Variants in N4BP2L2 observed in about 807,000 individuals in gnomAD.
N4BP2L2 encodes the protein NEDD4-binding protein 2-like 2.
In N4BP2L2, 50 loss-of-function variants were observed where a neutral mutation model predicts 56.2. That is an observed-to-expected ratio of 0.89 (90% CI 0.71 to 1.13). The LOEUF is 1.13. N4BP2L2 is among the 50% of genes most tolerant of loss of function. The pLI, the probability that N4BP2L2 is intolerant of heterozygous loss-of-function variation, is 0.00. For missense variants in N4BP2L2, 689 were observed against 693.8 expected, an observed-to-expected ratio of 0.99 and a Z score of 0.08; for synonymous variants, 203 against 223.6, an observed-to-expected ratio of 0.91 and a Z score of 0.82.
At chr13:32,478,229 A>T in intron 6 of N4BP2L2, 1 of 371,690 alleles carries the variant, frequency 2.7e-6, no homozygotes, top group Non-Finnish European at 4.8e-6. Flanking sequence ...GAAGCGTACC[A>T]CTGCAGGTGT....
At chr13:32,442,887 G>A in exon 7 of N4BP2L2, 1 of 1,612,936 alleles carries the variant, frequency 6.2e-7, no homozygotes. Flanking sequence ...GATGATCAAA[G>A]GTCATAAGTT....
rs148614618 is a variant in N4BP2L2, at chr13:32,520,933, G to A, written c.1550+440C>T. Among the ~76,000 whole-genome samples, 6 of 152,260 alleles carry A rather than the reference G, an allele frequency of 3.9e-5. No individual in the cohort carries two copies. The East Asian group carries it at 1.2e-3, about 29-fold the overall frequency. On this transcript the variant is annotated intron_variant, in intron 5 of 5. Transcript: ENST00000267068. Reference sequence around the variant, plus strand: ...TATGCAGATTCTTTGTTATTTACTTGAATTGACTAGTCATGATTTGCTGCA... The same window carrying A: ...TATGCAGATTCTTTGTTATTTACTTAAATTGACTAGTCATGATTTGCTGCA...
At chr13:32,477,556 G>C (rs1421642134) in intron 6 of N4BP2L2, 2 of 263,428 alleles carry the variant, frequency 7.6e-6, no homozygotes, top group African/African-American at 2.2e-5. Flanking sequence ...TACAGACATA[G>C]TCCTGATGTC....
chr13:32,534,733 T>C lies in N4BP2L2; in HGVS notation c.1259+1036A>G, dbSNP rs542550782. Among the ~76,000 whole-genome samples the C allele has an allele frequency of 7.2e-5, 11 of 152,202 alleles. No homozygotes were observed. In the South Asian group the frequency reaches 1.0e-3, roughly 14 times the overall value. ...TTTATTTAGGTTTAGATTGTCTTGT[T>C]AGTAATATAAAACATTTGCAAAATG... On this transcript the variant is annotated intron_variant, in intron 2 of 5. Transcript: ENST00000267068.
intron 9 of N4BP2L2, among the ~76,000 whole-genome samples, chr13:32,433,583 C>T (rs1163422587): frequency 6.6e-6 from 1 of 151,550 alleles, no homozygotes; most frequent in African/African-American, 2.4e-5. Flanking sequence ...CAGTGAGCCA[C>T]TGTACTCCAG....
chr13:32,480,444 G>T (rs2084388952), intron 6 of N4BP2L2: 2 of 306,288 alleles, frequency 6.5e-6, no homozygotes, highest in Admixed American at 1.0e-4. Context: ...GGGAATTTTA[G>T]TGAGAACTCA....
intron 6 of N4BP2L2, among the ~76,000 whole-genome samples, chr13:32,488,497 T>TC (rs1365390731): frequency 6.6e-6 from 1 of 152,042 alleles, no homozygotes; most frequent in East Asian, 1.9e-4. Flanking sequence ...CACACAATAT[T>TC]CCCATGTACT....
intron 6 of N4BP2L2, among the ~76,000 whole-genome samples, chr13:32,480,285 G>A (rs1196439939): frequency 6.6e-6 from 1 of 152,110 alleles, no homozygotes; most frequent in Non-Finnish European, 1.5e-5. Context: ...TGTTCATGGA[G>A]GAGAGCAAAA....
At chr13:32,450,855 T>G in intron 6 of N4BP2L2, among the ~76,000 whole-genome samples, 1 of 32,972 alleles carries the variant, frequency 3.0e-5, no homozygotes, top group Non-Finnish European at 6.1e-5. Context: ...CCTCCCTCCC[T>G]CCCACCCCAT....
chr13:32,536,010 A>T, exon 2 of N4BP2L2: 1 of 1,613,968 alleles, frequency 6.2e-7, no homozygotes, highest in African/African-American at 1.3e-5. Context: ...TTCTCACTAC[A>T]GTCAGTATAT....
exon 6 of N4BP2L2, chr13:32,515,522 T>C (rs2049014738): frequency 6.6e-6 from 1 of 152,150 alleles, no homozygotes; most frequent in African/African-American, 2.4e-5. Context: ...GATGCAACAG[T>C]AGTTGGCTAA....
chr13:32,453,550 G>C (rs1477462672), intron 6 of N4BP2L2, among the ~76,000 whole-genome samples: 1 of 152,052 alleles, frequency 6.6e-6, no homozygotes, highest in Non-Finnish European at 1.5e-5. Context: ...TCACAGAATT[G>C]AGCATAGCAC....
At chr13:32,503,385 A>T (rs1356504453) in intron 6 of N4BP2L2, among the ~76,000 whole-genome samples, 1 of 152,112 alleles carries the variant, frequency 6.6e-6, no homozygotes, top group Non-Finnish European at 1.5e-5. Flanking sequence ...GACCCTAAGG[A>T]TATAAAAACA....
At chr13:32,536,978 ACTT>A in exon 2 of N4BP2L2, 1 of 1,607,692 alleles carries the variant, frequency 6.2e-7, no homozygotes, top group Non-Finnish European at 8.5e-7. Context: ...CTCACTCGTT[ACTT>A]CTTCTCTAGG....
rs796395696 is a variant in N4BP2L2, at chr13:32,440,864, T to TC, written c.2104+1523_2104+1524insG. 7.5e-3 allele frequency among the ~76,000 whole-genome samples: 1,130 copies of TC among 151,596 alleles called. 16 individuals carry two copies. The highest frequency in any genetic ancestry group is 0.026 in the African/African-American group (1,080 of 41,258). ...AAAAATAACAATCTTTTTTTTTTTT[T>TC]TTTGACAGGGAGTCTCGCTCAGTCA... On this transcript the variant is annotated intron_variant, in intron 7 of 9. Coordinates refer to the N4BP2L2 transcript ENST00000357505.
chr13:32,538,074 G>T (rs113563094), intron 1 of N4BP2L2, among the ~76,000 whole-genome samples: 9,891 of 136,900 alleles, frequency 0.072, 573 homozygotes, highest in East Asian at 0.24. Context: ...CCGTCTTGGG[G>T]GGGGGGGGCG....
At chr13:32,442,599 A>ATGCTTTACATAG (rs1190439587) in exon 7 of N4BP2L2, 1 of 1,614,010 alleles carries the variant, frequency 6.2e-7, no homozygotes, top group Non-Finnish European at 8.5e-7. Flanking sequence ...AGCACGAAGT[A>ATGCTTTACATAG]TCAGGATGAC....
At chr13:32,499,236 C>T (rs1226639135) in intron 6 of N4BP2L2, among the ~76,000 whole-genome samples, 8 of 152,102 alleles carry the variant, frequency 5.3e-5, no homozygotes, top group Non-Finnish European at 1.0e-4. Flanking sequence ...ATTAACTGAA[C>T]GGTGAAAAGT....
At chr13:32,482,028 G>A (rs1308942450) in intron 6 of N4BP2L2, among the ~76,000 whole-genome samples, 2 of 152,136 alleles carry the variant, frequency 1.3e-5, no homozygotes, top group Non-Finnish European at 2.9e-5. Flanking sequence ...TATGGTACAT[G>A]GGGGCTTTCA....
Sources: gnomAD v4.1 joint callset for allele counts (sites outside exome capture counted in the v4.1 genomes callset) on GRCh38, gnomAD v4.1.1 for gene constraint, MANE v1.5 for transcripts, NCBI Gene and HGNC (gene_info 2026-07-23, HGNC 2026-07-21) for gene names.